FEM1C: variants seen among roughly 807,000 people sequenced by gnomAD.
The protein encoded by FEM1C is protein fem-1 homolog C.
In FEM1C, 15 loss-of-function variants were observed where a neutral mutation model predicts 37.6. That is an observed-to-expected ratio of 0.40 (90% confidence interval 0.27 to 0.61). FEM1C has a LOEUF of 0.61. Ranked by LOEUF, FEM1C falls within the 20% of genes least tolerant of loss-of-function variation. The pLI is 0.42. For missense variants in FEM1C, 532 were observed against 749.7 expected (o/e 0.71, Z 3.39); for synonymous variants, 287 against 272.8 (o/e 1.05, Z -0.51).
intron 2 of FEM1C, among the ~76,000 whole-genome samples, chr5:115,531,519 T>A (rs1487104197): frequency 6.6e-6 from 1 of 152,138 alleles, no homozygotes; most frequent in African/African-American, 2.4e-5. Context: ...ATCTCTGGAA[T>A]GAATGATTCA....
At chr5:115,544,034 A>C in intron 1 of FEM1C, 1 of 985,404 alleles carries the variant, frequency 1.0e-6, no homozygotes, top group Non-Finnish European at 1.2e-6. Context: ...ACTCGGGTTC[A>C]GAAATGTTTC....
chr5:115,531,432 T>G lies in FEM1C; in HGVS notation c.545-5815A>C, dbSNP rs180829616. ...ACATTATGTGCAGTAAAGTTTAATA[T>G]TGGATATTCAAGGATACGTATTTTA... On this transcript the variant is annotated intron_variant, in intron 2 of 2. Transcript: ENST00000274457. 2.6e-5 allele frequency among the ~76,000 whole-genome samples: 4 copies of G among 152,222 alleles called. No individual in the cohort carries two copies. In the East Asian group the frequency reaches 7.7e-4, roughly 29 times the overall value.
At chr5:115,529,722 G>A (rs527628551) in intron 2 of FEM1C, among the ~76,000 whole-genome samples, 1 of 152,082 alleles carries the variant, frequency 6.6e-6, no homozygotes, top group East Asian at 1.9e-4. Flanking sequence ...ACGAAATTAT[G>A]GAGGGTAATT....
chr5:115,526,627 C>T (rs1213104959), intron 2 of FEM1C, among the ~76,000 whole-genome samples: 1 of 152,036 alleles, frequency 6.6e-6, no homozygotes, highest in African/African-American at 2.4e-5. Context: ...ATTATCATGC[C>T]GACCTCTGGT....
chr5:115,534,162 G>A (rs912552131), intron 2 of FEM1C, among the ~76,000 whole-genome samples: 1 of 151,898 alleles, frequency 6.6e-6, no homozygotes, highest in South Asian at 2.1e-4. Context: ...ATTTTCACTG[G>A]GATGCTTCTG....
intron 2 of FEM1C, among the ~76,000 whole-genome samples, chr5:115,526,891 G>C (rs1753906354): frequency 1.3e-5 from 2 of 152,058 alleles, no homozygotes; most frequent in Admixed American, 1.3e-4. Context: ...CTGAATGTCT[G>C]GTTTCCTTCT....
In FEM1C at chr5:115,521,334, A is replaced by G. The variant is rs1753769682; in HGVS notation, c.*2974T>C. On this transcript the variant is annotated 3_prime_UTR_variant, in exon 3 of 3. Transcript: ENST00000274457. Reference sequence around the variant, plus strand: ...AAGAGCTACTTTTCCCATATAACCTAAACAATTTTCCCAAATAATAGTAGA... The same window carrying G: ...AAGAGCTACTTTTCCCATATAACCTGAACAATTTTCCCAAATAATAGTAGA... 1.3e-5 allele frequency: 2 copies of G among 151,770 alleles called. No individual in the cohort carries two copies. The highest frequency in any genetic ancestry group is 3.0e-5 in the Non-Finnish European group (2 of 67,740). 9.4% of individuals were successfully genotyped at this position (151,770 alleles called of 1,614,324 possible).
Position 115,522,283 on chromosome 5 carries a change from AAGTT to A in FEM1C, c.*2021_*2024del, listed in dbSNP as rs1265250079. ...ATTCATATATAATTCTTATACCACA[AAGTT>A]AGAGGCAGATGATTTCAAGATACTG... On this transcript the variant is annotated 3_prime_UTR_variant, in exon 3 of 3. Transcript: ENST00000274457. The A allele has an allele frequency of 3.6e-4, 54 of 151,938 alleles. No homozygotes were observed. Among genetic ancestry groups the A allele is most frequent in the African/African-American group, 1.2e-3 (49 of 41,410 alleles). 9.4% of individuals were successfully genotyped at this position (151,938 alleles called of 1,614,324 possible).
At chr5:115,539,833 G>T (rs908489852) in intron 2 of FEM1C, among the ~76,000 whole-genome samples, 1 of 151,986 alleles carries the variant, frequency 6.6e-6, no homozygotes, top group Non-Finnish European at 1.5e-5. Flanking sequence ...CTCAATTAGT[G>T]AATTCCACCT....
At chr5:115,538,584 T>C (rs1004870548) in intron 2 of FEM1C, among the ~76,000 whole-genome samples, 3 of 151,952 alleles carry the variant, frequency 2.0e-5, no homozygotes, top group Admixed American at 2.0e-4. Context: ...AGTGTTGTAG[T>C]AGAATGCAGT....
At position 115,521,723 on chromosome 5, in the gene FEM1C, T is replaced by G. The variant is rs961584818; in HGVS notation, c.*2585A>C. Reference sequence around the variant, plus strand: ...GAGTGTAATTGGTTCATTATTAAATTTACTCATCTGTGGTTCAAAAAATAA... The same window carrying G: ...GAGTGTAATTGGTTCATTATTAAATGTACTCATCTGTGGTTCAAAAAATAA... On this transcript the variant is annotated 3_prime_UTR_variant, in exon 3 of 3. Transcript: ENST00000274457. 4.0e-5 allele frequency: 6 copies of G among 151,852 alleles called. No homozygotes were observed. Among genetic ancestry groups the G allele is most frequent in the African/African-American group, 9.7e-5 (4 of 41,400 alleles). 9.4% of individuals were successfully genotyped at this position (151,852 alleles called of 1,614,324 possible). A position where few individuals can be genotyped will look rare whatever the true frequency, so the allele number is the denominator to read the frequency against.
chr5:115,526,549 G>A (rs1753898427), intron 2 of FEM1C, among the ~76,000 whole-genome samples: 2 of 152,102 alleles, frequency 1.3e-5, no homozygotes, highest in Admixed American at 1.3e-4. Context: ...AACACATTAA[G>A]ACATCGGAAA....
intron 2 of FEM1C, among the ~76,000 whole-genome samples, chr5:115,530,772 A>T (rs1246823391): frequency 6.6e-6 from 1 of 152,172 alleles, no homozygotes; most frequent in East Asian, 1.9e-4. Flanking sequence ...TTCGTCGGTC[A>T]AAGAAGCAAG....
chr5:115,533,032 C>T (rs1439416774), intron 2 of FEM1C, among the ~76,000 whole-genome samples: 1 of 151,842 alleles, frequency 6.6e-6, no homozygotes, highest in Non-Finnish European at 1.5e-5. Flanking sequence ...AATTTTATTG[C>T]ATGTAAATAA....
chr5:115,531,479 T>C (rs968286124), intron 2 of FEM1C, among the ~76,000 whole-genome samples: 2 of 152,154 alleles, frequency 1.3e-5, no homozygotes, highest in African/African-American at 4.8e-5. Flanking sequence ...AATATTTCCC[T>C]ACCCTATCTC....
chr5:115,544,737 G>A lies in FEM1C; in HGVS notation c.-405C>T, dbSNP rs1041935997. The A allele has an allele frequency of 7.2e-5, 11 of 152,852 alleles. No homozygotes were observed. The allele number at this position is 152,852 out of a possible 1,614,324, so 9.5% of individuals were successfully genotyped here. A position where few individuals can be genotyped will look rare whatever the true frequency, so the allele number is the denominator to read the frequency against. The stretch of plus-strand genomic sequence containing the variant: ...CTGCCTCCCGCCCTTAGTCGGCTCG[G>A]ACTGCAGCGGCTGCAGCGACTGCTG... On this transcript the variant is annotated 5_prime_UTR_variant, in exon 1 of 3. Transcript: ENST00000274457.
At position 115,521,298 on chromosome 5, in the gene FEM1C, T is replaced by C. The variant is rs1481674272; in HGVS notation, c.*3010A>G. 2.6e-5 allele frequency: 4 copies of C among 151,716 alleles called. No homozygotes were observed. Among genetic ancestry groups the C allele is most frequent in the Non-Finnish European group, 1.5e-5 (1 of 67,710 alleles). 9.4% of individuals were successfully genotyped at this position (151,716 alleles called of 1,614,324 possible). On this transcript the variant is annotated 3_prime_UTR_variant, in exon 3 of 3. Coordinates refer to ENST00000274457, the MANE Select transcript of FEM1C (RefSeq NM_020177.3). ...TCAGCCTAAGGTTTCTGTTGGGCAA[T>C]ATGATTTTTAAAGAGCTACTTTTCC...
chr5:115,529,237 T>C (rs774889840), intron 2 of FEM1C, among the ~76,000 whole-genome samples: 2 of 92,810 alleles, frequency 2.2e-5, no homozygotes, highest in East Asian at 3.1e-4. Flanking sequence ...GAAAAACACA[T>C]TGACATACAA....
At chr5:115,529,628 A>G (rs1198358898) in intron 2 of FEM1C, among the ~76,000 whole-genome samples, 1 of 152,090 alleles carries the variant, frequency 6.6e-6, no homozygotes, top group Non-Finnish European at 1.5e-5. Context: ...TTGTGAGTAC[A>G]TCTAAATAAA....
Sources: gnomAD v4.1 joint callset for allele counts (sites outside exome capture counted in the v4.1 genomes callset) on GRCh38, gnomAD v4.1.1 for gene constraint, MANE v1.5 for transcripts, NCBI Gene and HGNC (gene_info 2026-07-23, HGNC 2026-07-21) for gene names.